The following PAK3 variants were observed in gnomAD, a reference collection of about 807,000 sequenced individuals.
The protein encoded by PAK3 is serine/threonine-protein kinase PAK 3.
PAK3 carries 4 observed loss-of-function variants against 41.0 expected under a neutral mutation model. That is an observed-to-expected ratio of 0.10 (90% confidence interval 0.05 to 0.22). PAK3 has a LOEUF of 0.22. Ranked by LOEUF, PAK3 falls within the 10% of genes least tolerant of loss-of-function variation. The pLI, the probability that PAK3 is intolerant of heterozygous loss-of-function variation, is 1.00. For missense variants in PAK3, 205 were observed against 409.9 expected (o/e 0.50, Z 4.32); for synonymous variants, 146 against 139.6 (o/e 1.05, Z -0.32).
At chrX:111,068,220 C>T (rs2092715408) in intron 1 of PAK3, among the ~76,000 whole-genome samples, 1 of 111,505 alleles carries the variant, frequency 9.0e-6, no homozygotes, top group Non-Finnish European at 1.9e-5. Flanking sequence ...TATGGATCAT[C>T]TATAATTTAT....
intron 1 of PAK3, among the ~76,000 whole-genome samples, chrX:111,014,188 A>G: frequency 8.9e-6 from 1 of 111,927 alleles, no homozygotes; most frequent in East Asian, 2.8e-4. Context: ...GCAAAATTAT[A>G]TTTCTAAAAC....
chrX:111,044,038 GA>G (rs1164973676), intron 1 of PAK3, among the ~76,000 whole-genome samples: 5 of 111,835 alleles, frequency 4.5e-5, no homozygotes, highest in Non-Finnish European at 9.4e-5. Context: ...ATTTTAAGAA[GA>G]TTTTTAAAAA....
chrX:110,972,293 G>T (rs1294093629), intron 1 of PAK3, among the ~76,000 whole-genome samples: 1 of 111,553 alleles, frequency 9.0e-6, no homozygotes, highest in African/African-American at 3.3e-5. Context: ...CCCGACCCCC[G>T]TGTAGCCTAA....
intron 1 of PAK3, among the ~76,000 whole-genome samples, chrX:111,055,508 A>T (rs1038089028): frequency 8.9e-6 from 1 of 112,249 alleles, no homozygotes; most frequent in Non-Finnish European, 1.9e-5. Context: ...TGAAACCAAG[A>T]TCTGTAATAC....
At chrX:111,150,477 A>G (rs925667456) in intron 7 of PAK3, among the ~76,000 whole-genome samples, 2 of 112,034 alleles carry the variant, frequency 1.8e-5, no homozygotes, top group Non-Finnish European at 3.8e-5. Context: ...GTTTAATTGG[A>G]CTTATAGTTC....
intron 1 of PAK3, among the ~76,000 whole-genome samples, chrX:110,951,113 T>G (rs900735626): frequency 8.9e-6 from 1 of 112,187 alleles, no homozygotes; most frequent in African/African-American, 3.2e-5. Flanking sequence ...TTCATATCCC[T>G]TGCCTGTTTT....
At chrX:111,109,641 T>TG (rs1011291554) in intron 4 of PAK3, among the ~76,000 whole-genome samples, 4 of 111,509 alleles carry the variant, frequency 3.6e-5, no homozygotes, top group African/African-American at 6.5e-5. Flanking sequence ...CCCAAACTTG[T>TG]GGGGGTGGTG....
At position 111,196,961 on chromosome X, in the gene PAK3, C is replaced by T. The variant is rs144939625; in HGVS notation, c.1407+321C>T. ...TCATTTTAGGTGCAGGGGGTACATA[C>T]GCAGGTTTATTATATAGGTAAATTC... On this transcript the variant is annotated intron_variant, in intron 16 of 17. Transcript: ENST00000372007. Among the ~76,000 whole-genome samples the T allele has an allele frequency of 6.0e-3, 619 of 103,128 alleles. 5 individuals are homozygous for T. The highest frequency in any genetic ancestry group is 9.3e-3 in the Non-Finnish European group (474 of 51,095). The allele number at this position is 103,128 out of a possible 115,157, so 89.6% of individuals were successfully genotyped here.
intron 8 of PAK3, among the ~76,000 whole-genome samples, chrX:111,161,074 TC>T (rs989666215): frequency 2.7e-4 from 30 of 111,345 alleles, no homozygotes; most frequent in Non-Finnish European, 4.9e-4. Context: ...TAGTTTACAA[TC>T]CCCCCAACTG....
At chrX:111,160,886 T>C (rs1272414672) in intron 8 of PAK3, among the ~76,000 whole-genome samples, 1 of 112,690 alleles carries the variant, frequency 8.9e-6, no homozygotes, top group African/African-American at 3.2e-5. Context: ...TTGGGTTGGT[T>C]CCAAGTCTTT....
At chrX:110,947,878 T>C (rs1222508855) in intron 1 of PAK3, among the ~76,000 whole-genome samples, 1 of 111,762 alleles carries the variant, frequency 8.9e-6, no homozygotes, top group Non-Finnish European at 1.9e-5. Flanking sequence ...CTCTTTAAAA[T>C]GAGGTTGATA....
At chrX:111,150,067 T>A (rs2094004290) in intron 7 of PAK3, among the ~76,000 whole-genome samples, 1 of 111,844 alleles carries the variant, frequency 8.9e-6, no homozygotes, top group Non-Finnish European at 1.9e-5. Flanking sequence ...CTAAAACATC[T>A]CTCTCAAGTT....
intron 7 of PAK3, among the ~76,000 whole-genome samples, chrX:111,150,504 C>T (rs2094010493): frequency 8.9e-6 from 1 of 111,807 alleles, no homozygotes; most frequent in South Asian, 3.8e-4. Context: ...GCTGGGGAGG[C>T]CTCAGAATCA....
intron 5 of PAK3, among the ~76,000 whole-genome samples, 193 bp downstream of exon 5, chrX:111,123,471 T>C (rs2093607857): frequency 8.9e-6 from 1 of 112,811 alleles, no homozygotes; most frequent in African/African-American, 3.2e-5. Flanking sequence ...GAAAATACAT[T>C]TACACTATGT....
At chrX:111,178,519 A>C (rs921583475) in intron 11 of PAK3, among the ~76,000 whole-genome samples, 3 of 112,050 alleles carry the variant, frequency 2.7e-5, no homozygotes, top group Non-Finnish European at 5.6e-5. Flanking sequence ...AGGTTGTAAA[A>C]ATAAATAAGA....
intron 1 of PAK3, among the ~76,000 whole-genome samples, chrX:111,064,056 T>G (rs941924002): frequency 9.0e-6 from 1 of 111,096 alleles, no homozygotes; most frequent in African/African-American, 3.3e-5. Flanking sequence ...CAGACCCCTT[T>G]GTGTACCCTG....
chrX:111,150,696 C>T (rs184989336), intron 7 of PAK3, among the ~76,000 whole-genome samples: 138 of 111,638 alleles, frequency 1.2e-3, no homozygotes, highest in African/African-American at 3.2e-3. Flanking sequence ...TCCCACAGCA[C>T]GTGGGAATTC....
chrX:111,220,268 T>C, intron 17 of PAK3, 90 bp from the exon 18 acceptor site: 1 of 589,324 alleles, frequency 1.7e-6, no homozygotes, highest in Admixed American at 2.6e-5. Context: ...AAAATATATC[T>C]TAATTCAAAA....
intron 1 of PAK3, among the ~76,000 whole-genome samples, chrX:110,993,742 A>G (rs921713357): frequency 9.8e-5 from 11 of 111,882 alleles, no homozygotes; most frequent in African/African-American, 3.6e-4. Flanking sequence ...GTTTTGCAAA[A>G]TGGAAATTCT....
Sources: allele counts gnomAD v4.1 joint callset (sites outside exome capture counted in the v4.1 genomes callset), GRCh38; gene constraint gnomAD v4.1.1; transcripts MANE v1.5; gene names NCBI Gene and HGNC (gene_info 2026-07-23, HGNC 2026-07-21).